The following KARS1 variants were observed in gnomAD, a reference collection of about 807,000 sequenced individuals.
The protein encoded by KARS1 is lysyl-tRNA synthetase 1.
Under a neutral mutation model 63.9 loss-of-function variants are expected in KARS1, and 50 were observed. That is an observed-to-expected ratio of 0.78 (90% CI 0.62 to 0.99). The LOEUF (loss-of-function observed/expected upper bound fraction) is 0.99. KARS1 is among the 50% of genes least tolerant of loss of function. The pLI, the probability that KARS1 is intolerant of heterozygous loss-of-function variation, is 0.00. For missense variants in KARS1, 816 were observed against 754.5 expected (o/e 1.08, Z -0.95); for synonymous variants, 320 against 264.6 (o/e 1.21, Z -2.03).
intron 9 of KARS1, 41 bp from the exon 10 acceptor site, chr16:75,631,294 C>G (rs372028053): frequency 1.3e-6 from 2 of 1,592,540 alleles, no homozygotes; most frequent in Non-Finnish European, 1.7e-6. Context: ...AGACATCACA[C>G]TAGCCAAGTA....
intron 7 of KARS1, among the ~76,000 whole-genome samples, chr16:75,633,085 C>G (rs1458857607): frequency 7.2e-5 from 11 of 152,184 alleles, no homozygotes; most frequent in Non-Finnish European, 4.4e-5. Context: ...GGTACCTGGA[C>G]TTTAATAATT....
chr16:75,631,114 G>T, intron 10 of KARS1, 54 bp downstream of exon 10: 1 of 1,422,732 alleles, frequency 7.0e-7, no homozygotes, highest in South Asian at 1.2e-5. Context: ...CCAGGGAAGA[G>T]GGAACCATTC....
chr16:75,636,419 C>A, intron 4 of KARS1, 35 bp downstream of exon 4: 2 of 1,386,194 alleles, frequency 1.4e-6, no homozygotes, highest in South Asian at 1.2e-5. Context: ...TCTAGGCCAA[C>A]CAAGAAAGGT....
At chr16:75,631,394 G>T in intron 9 of KARS1, 22 bp downstream of exon 9, 1 of 1,612,872 alleles carries the variant, frequency 6.2e-7, no homozygotes, top group Non-Finnish European at 8.5e-7. Flanking sequence ...TTACAACGGA[G>T]GAGTGAGTGT....
intron 13 of KARS1, 102 bp from the exon 14 acceptor site, chr16:75,628,095 C>G: frequency 1.3e-6 from 1 of 782,890 alleles, no homozygotes; most frequent in Non-Finnish European, 2.3e-6. Context: ...CACCAAAATC[C>G]AGAGATTAGT....
intron 7 of KARS1, among the ~76,000 whole-genome samples, chr16:75,633,651 G>A (rs1443018319): frequency 6.6e-6 from 1 of 151,858 alleles, no homozygotes; most frequent in Non-Finnish European, 1.5e-5. Context: ...CCAAGTAGCT[G>A]GGATTACAGG....
At chr16:75,628,127 A>G (rs1378049201) in intron 13 of KARS1, 134 bp from the exon 14 acceptor site, 3 of 715,138 alleles carry the variant, frequency 4.2e-6, no homozygotes, top group South Asian at 2.9e-5. Context: ...GAAAAGGCTC[A>G]TGTGTTCTTT....
At position 75,631,546 on chromosome 16, in the gene KARS1, G is replaced by A. The variant is rs750496729; in HGVS notation, c.1122C>T (p.His374=). The A allele has an allele frequency of 1.2e-6, 2 of 1,614,160 alleles. No individual in the cohort carries two copies. Among genetic ancestry groups the A allele is most frequent in the South Asian group, 1.1e-5 (1 of 91,086 alleles). Residue 374 remains histidine (H), a synonymous_variant, in exon 9 of 14, where the codon CAC becomes CAT. Coordinates refer to ENST00000302445, the MANE Select transcript of KARS1 (RefSeq NM_005548.3). The part of the protein sequence containing the change: ...HITGSYKVTY[H]PDGPEGQAYD... Reference sequence around the variant, plus strand: ...AGGCTTGGCCCTCTGGGCCATCTGGGTGGTAGGTGACCTTGTAACTGCCTG... The same window carrying A: ...AGGCTTGGCCCTCTGGGCCATCTGGATGGTAGGTGACCTTGTAACTGCCTG...
At position 75,647,660 on chromosome 16, in the gene KARS1, A is replaced by G; in HGVS notation, c.-21T>C. 1.9e-6 allele frequency: 3 copies of G among 1,612,862 alleles called. No individual in the cohort carries two copies. Among genetic ancestry groups the G allele is most frequent in the Non-Finnish European group, 2.5e-6 (3 of 1,179,144 alleles). On this transcript the variant is annotated 5_prime_UTR_variant, in exon 1 of 14. Coordinates refer to ENST00000302445, the MANE Select transcript of KARS1 (RefSeq NM_005548.3). Reference sequence around the variant, plus strand: ...GCCATCTTCCCGGAGGGCCCGACCCAAAAGTAAGGAGGATAGTACGTTAAT... The same window carrying G: ...GCCATCTTCCCGGAGGGCCCGACCCGAAAGTAAGGAGGATAGTACGTTAAT...
chr16:75,634,574 GTATT>G (rs763112163), intron 6 of KARS1, among the ~76,000 whole-genome samples: 31 of 152,240 alleles, frequency 2.0e-4, no homozygotes, highest in East Asian at 3.9e-4. Flanking sequence ...TCAATTTGCA[GTATT>G]TATTTAATTT....
chr16:75,647,480 G>A (rs2082301497), intron 1 of KARS1, 98 bp downstream of exon 1: 1 of 1,142,862 alleles, frequency 8.7e-7, no homozygotes, highest in East Asian at 2.5e-5. Context: ...GAGCCGGCAA[G>A]AAGGCCCCGG....
intron 10 of KARS1, 115 bp downstream of exon 10, chr16:75,631,053 G>T (rs2082106537): frequency 1.3e-6 from 1 of 785,704 alleles, no homozygotes; most frequent in Middle Eastern, 2.2e-4. Flanking sequence ...TCTCTCTAGG[G>T]TTTTCCTGTG....
chr16:75,628,820 C>A (rs2082079558), intron 12 of KARS1, 108 bp from the exon 13 acceptor site: 9 of 1,146,736 alleles, frequency 7.8e-6, no homozygotes. Context: ...TCCAGAGATG[C>A]TCCTGACACT....
At position 75,644,384 on chromosome 16, in the gene KARS1, G is replaced by A. The variant is rs762460377; in HGVS notation, c.63-2661C>T. On this transcript the variant is annotated intron_variant, in intron 1 of 13. Transcript: ENST00000302445. Reference sequence around the variant, plus strand: ...GACCCCACTCTGCCCAGGAGGTTTTGCGCAGGGACCCCCTAACAAGCCTTA... The same window carrying A: ...GACCCCACTCTGCCCAGGAGGTTTTACGCAGGGACCCCCTAACAAGCCTTA... 5.0e-6 allele frequency: 8 copies of A among 1,612,608 alleles called. No individual in the cohort carries two copies. The East Asian group carries it at 1.1e-4, about 22-fold the overall frequency.
rs1567496918 is a variant in KARS1 at position 75,627,832 on chromosome 16, A to G, written c.*63T>C. On this transcript the variant is annotated 3_prime_UTR_variant, in exon 14 of 14. Transcript: ENST00000302445. Reference sequence around the variant, plus strand: ...AAGCAGCACACAAGAATTCCCTTGCAGACCTTGATCTTTCGCAGAAATGCA... The same window carrying G: ...AAGCAGCACACAAGAATTCCCTTGCGGACCTTGATCTTTCGCAGAAATGCA... The G allele has an allele frequency of 3.3e-6, 3 of 913,560 alleles. No homozygotes were observed. Among genetic ancestry groups the G allele is most frequent in the Non-Finnish European group, 3.7e-6 (2 of 540,548 alleles). 56.6% of individuals were successfully genotyped at this position (913,560 alleles called of 1,614,324 possible).
At chr16:75,641,812 G>T (rs886433623) in intron 1 of KARS1, 89 bp from the exon 2 acceptor site, 2 of 1,390,914 alleles carry the variant, frequency 1.4e-6, no homozygotes, top group East Asian at 4.6e-5. Flanking sequence ...AACATGAATC[G>T]CCCAGGAGAA....
intron 1 of KARS1, 27 bp from the exon 2 acceptor site, chr16:75,641,750 G>A (rs750772343): frequency 6.2e-7 from 1 of 1,612,418 alleles, no homozygotes; most frequent in South Asian, 1.1e-5. Flanking sequence ...AGCGTTCAAT[G>A]TGTTAGCTGC....
At chr16:75,633,860 C>T in intron 7 of KARS1, 1 of 362,738 alleles carries the variant, frequency 2.8e-6, no homozygotes, top group East Asian at 7.1e-5. Context: ...TAGGCTCTTT[C>T]TTCTGTGAAA....
intron 3 of KARS1, among the ~76,000 whole-genome samples, chr16:75,639,577 A>C (rs2082200581): frequency 6.6e-6 from 1 of 151,620 alleles, no homozygotes. Flanking sequence ...ATCTCAAAAA[A>C]AAAAAAAAAA....
Sources: allele counts gnomAD v4.1 joint callset (sites outside exome capture counted in the v4.1 genomes callset), GRCh38; gene constraint gnomAD v4.1.1; transcripts MANE v1.5; gene names NCBI Gene and HGNC (gene_info 2026-07-23, HGNC 2026-07-21).